Variants in NBAS observed in about 807,000 individuals in gnomAD.
The protein encoded by NBAS is NBAS subunit of NRZ tethering complex, also known as NAG/BC035112 fusion.
In NBAS, 219 loss-of-function variants were observed where a neutral mutation model predicts 302.5. The ratio of observed to expected loss-of-function variants is 0.72; its 90% CI spans 0.65 to 0.81. NBAS has a LOEUF of 0.81. NBAS is among the 30% of genes least tolerant of loss of function. The pLI is 0.00. For synonymous variants in NBAS, 1,118 were observed against 1,021.6 expected, an observed-to-expected ratio of 1.09 and a Z score of -1.80; for missense variants, 2,932 against 2,841.6, an observed-to-expected ratio of 1.03 and a Z score of -0.72.
the NBAS span, among the ~76,000 whole-genome samples, chr2:14,796,318 A>G: frequency 0.011 from 1,703 of 152,222 alleles, 36 homozygotes; most frequent in African/African-American, 0.038. Context: ...TATTTTGACT[A>G]TTTTTGTCAT....
At chr2:14,989,656 C>A in the NBAS span, among the ~76,000 whole-genome samples, 5 of 152,050 alleles carry the variant, frequency 3.3e-5, no homozygotes, top group Non-Finnish European at 7.4e-5. Context: ...GGGATTAATC[C>A]TCAGAAGATA....
chr2:15,086,536 G>A, the NBAS span, among the ~76,000 whole-genome samples: 4 of 152,188 alleles, frequency 2.6e-5, no homozygotes, highest in Non-Finnish European at 4.4e-5. Flanking sequence ...AAGAGCTGTG[G>A]CCCCTTGGGG....
chr2:14,839,030 C>A, the NBAS span, among the ~76,000 whole-genome samples: 1 of 151,806 alleles, frequency 6.6e-6, no homozygotes, highest in East Asian at 1.9e-4. Flanking sequence ...GGCTAAAGGG[C>A]ACATGTGAGG....
the NBAS span, among the ~76,000 whole-genome samples, chr2:14,931,624 A>T: frequency 2.0e-5 from 3 of 152,210 alleles, no homozygotes; most frequent in Non-Finnish European, 4.4e-5. Context: ...AACACAAAGG[A>T]CACTGCATAG....
the NBAS span, among the ~76,000 whole-genome samples, chr2:15,096,476 C>T: frequency 6.6e-6 from 1 of 152,186 alleles, no homozygotes; most frequent in Non-Finnish European, 1.5e-5. Flanking sequence ...AATGAGAAAA[C>T]ACAGCAAGAC....
chr2:15,312,162 C>T (rs1296336880), intron 38 of NBAS, among the ~76,000 whole-genome samples: 1 of 152,232 alleles, frequency 6.6e-6, no homozygotes, highest in Admixed American at 6.5e-5. Flanking sequence ...CTGTGTGCGT[C>T]ACCAGATCTT....
the NBAS span, among the ~76,000 whole-genome samples, chr2:14,893,485 T>A: frequency 6.6e-6 from 1 of 152,244 alleles, no homozygotes; most frequent in Non-Finnish European, 1.5e-5. Flanking sequence ...TTTGCAGCTA[T>A]AAATTTTCCT....
At chr2:15,185,156 C>T (rs1251069841) in intron 50 of NBAS, among the ~76,000 whole-genome samples, 1 of 152,154 alleles carries the variant, frequency 6.6e-6, no homozygotes, top group East Asian at 1.9e-4. Flanking sequence ...CATTCACTGC[C>T]TGAAGAAGCA....
chr2:15,361,784 G>A (rs898520231), intron 32 of NBAS, among the ~76,000 whole-genome samples: 5 of 151,000 alleles, frequency 3.3e-5, no homozygotes, highest in Admixed American at 6.6e-5. Flanking sequence ...TTCAAGACCA[G>A]CCTGACCAAC....
chr2:15,442,159 A>C (rs1335686120), intron 21 of NBAS, among the ~76,000 whole-genome samples: 2 of 127,144 alleles, frequency 1.6e-5, no homozygotes, highest in Non-Finnish European at 3.4e-5. Flanking sequence ...AAGCGGACCT[A>C]ATAGACATCT....
At chr2:15,365,402 T>C (rs1344503148) in intron 32 of NBAS, among the ~76,000 whole-genome samples, 2 of 152,204 alleles carry the variant, frequency 1.3e-5, no homozygotes, top group Admixed American at 1.3e-4. Context: ...CAGAGCACTT[T>C]CACATGCATT....
At position 15,534,602 on chromosome 2, in the gene NBAS, G is replaced by GA. The variant is rs759315662; in HGVS notation, c.686dup (p.Ser230GlnfsTer4). 393 of 1,613,722 alleles carry GA rather than the reference G, an allele frequency of 2.4e-4. No homozygotes were observed. The highest frequency in any genetic ancestry group is 2.3e-4 in the Non-Finnish European group (276 of 1,179,826). On this transcript the variant is annotated frameshift_variant, in exon 9 of 52. Coordinates refer to ENST00000281513, the MANE Select transcript of NBAS (RefSeq NM_015909.4). LOFTEE classifies it high-confidence loss of function. ...CATGAGGATAATGACTACTGAAGCT[G>GA]AAACAGTGACTTTCTTGGTAGCTCT... is the stretch of plus-strand genomic sequence containing the variant.
At chr2:15,203,684 G>T (rs1245831586) in intron 48 of NBAS, among the ~76,000 whole-genome samples, 1 of 151,710 alleles carries the variant, frequency 6.6e-6, no homozygotes, top group Admixed American at 6.6e-5. Flanking sequence ...AAGGAAAATG[G>T]AAAAAAAGCA....
intron 51 of NBAS, among the ~76,000 whole-genome samples, chr2:15,169,395 G>A (rs951426583): frequency 6.6e-6 from 1 of 152,194 alleles, no homozygotes; most frequent in African/African-American, 2.4e-5. Context: ...TGTGAGTTCT[G>A]AATGCCTTCT....
chr2:15,355,126 A>G (rs1045533312), intron 33 of NBAS, among the ~76,000 whole-genome samples: 71 of 152,346 alleles, frequency 4.7e-4, no homozygotes, highest in African/African-American at 1.6e-3. Context: ...TTAACAGTAC[A>G]CATGTGAAAG....
intron 13 of NBAS, among the ~76,000 whole-genome samples, chr2:15,476,444 C>T (rs1186667561): frequency 1.3e-5 from 2 of 151,958 alleles, no homozygotes; most frequent in African/African-American, 4.8e-5. Flanking sequence ...AATTATGGGC[C>T]GGGCACAGTG....
intron 21 of NBAS, among the ~76,000 whole-genome samples, chr2:15,453,345 A>C (rs946375179): frequency 6.6e-6 from 1 of 152,210 alleles, no homozygotes; most frequent in Non-Finnish European, 1.5e-5. Flanking sequence ...ACAATTTATC[A>C]CACTGTTTTG....
At chr2:15,531,627 C>T (rs1663219362) in intron 9 of NBAS, among the ~76,000 whole-genome samples, 1 of 152,212 alleles carries the variant, frequency 6.6e-6, no homozygotes, top group Non-Finnish European at 1.5e-5. Flanking sequence ...ATTCAGCACT[C>T]ACCACGCTCT....
chr2:15,047,320 T>C, the NBAS span, among the ~76,000 whole-genome samples: 1 of 152,246 alleles, frequency 6.6e-6, no homozygotes, highest in Non-Finnish European at 1.5e-5. Context: ...AGAGGCCCAT[T>C]GGCTGAGGCA....
Sources: allele counts gnomAD v4.1 joint callset (sites outside exome capture counted in the v4.1 genomes callset), GRCh38; gene constraint gnomAD v4.1.1; transcripts MANE v1.5; gene names NCBI Gene and HGNC (gene_info 2026-07-23, HGNC 2026-07-21).